SORCS1: variants seen among roughly 807,000 people sequenced by gnomAD.
The protein encoded by SORCS1 is sortilin related VPS10 domain containing receptor 1, also known as VPS10 domain-containing receptor SorCS1.
Under a neutral mutation model 146.1 loss-of-function variants are expected in SORCS1, and 60 were observed. That is an observed-to-expected ratio of 0.41 (90% CI 0.33 to 0.51). The LOEUF (loss-of-function observed/expected upper bound fraction) is 0.51, where lower values mean the gene tolerates loss of function less well. Among genes scored for constraint, SORCS1 ranks in the 20% least tolerant of loss-of-function variants. The probability of loss-of-function intolerance (pLI) is 0.21; values close to 1 mark genes in which losing one functional copy is unlikely to be tolerated. For synonymous variants in SORCS1, 637 were observed against 584.0 expected, an observed-to-expected ratio of 1.09 and a Z score of -1.31; for missense variants, 1,352 against 1,487.6, an observed-to-expected ratio of 0.91 and a Z score of 1.50.
chr10:106,760,655 G>A (rs1859023904), intron 5 of SORCS1, among the ~76,000 whole-genome samples: 1 of 151,572 alleles, frequency 6.6e-6, no homozygotes. Context: ...ATGGTATTCT[G>A]TTACGGCAAC....
At chr10:106,686,529 C>G (rs1299411187) in intron 10 of SORCS1, among the ~76,000 whole-genome samples, 1 of 152,140 alleles carries the variant, frequency 6.6e-6, no homozygotes. Context: ...CTTGCTATAG[C>G]TGAACTAGGA....
chr10:106,642,394 T>G (rs1849130636), intron 18 of SORCS1, among the ~76,000 whole-genome samples: 1 of 152,214 alleles, frequency 6.6e-6, no homozygotes, highest in African/African-American at 2.4e-5. Context: ...GACTTGCTCT[T>G]TACAGGCATC....
At chr10:106,604,321 T>A (rs570206016) in intron 23 of SORCS1, among the ~76,000 whole-genome samples, 2 of 152,312 alleles carry the variant, frequency 1.3e-5, no homozygotes, top group African/African-American at 4.8e-5. Flanking sequence ...GAGCAGAGAA[T>A]GAAAGGACCC....
At chr10:107,033,202 A>G (rs1457450139) in intron 1 of SORCS1, among the ~76,000 whole-genome samples, 1 of 152,168 alleles carries the variant, frequency 6.6e-6, no homozygotes. Flanking sequence ...GGGAAGTGCC[A>G]CACACTTTTA....
rs1388922540 is a variant in SORCS1, at chr10:107,164,147, C to A, written c.380G>T (p.Ser127Ile). ...TCCATCTCTTAGCACTCCCCGGGGG[C>A]TCCGACTCGCGCCCTCTCCCCGTTC... is the stretch of plus-strand genomic sequence containing the variant. ...KAERGEGASR[S>I]PRGVLRDGGQ... is the part of the protein sequence containing the mutation. Residue 127 changes from serine to isoleucine, a missense_variant, in exon 1 of 26, where the codon AGC becomes ATC. Coordinates refer to ENST00000263054, the MANE Select transcript of SORCS1 (RefSeq NM_052918.5). This position sits in a 1 kb window ranked among gnomAD's most constrained non-coding sequence, Gnocchi z 6.8. 5 of 1,613,036 alleles carry A rather than the reference C, an allele frequency of 3.1e-6. No individual in the cohort carries two copies. In the African/African-American group the frequency reaches 6.7e-5, roughly 22 times the overall value.
intron 1 of SORCS1, among the ~76,000 whole-genome samples, chr10:107,065,890 C>T (rs1427388213): frequency 2.0e-5 from 3 of 152,112 alleles, no homozygotes; most frequent in Non-Finnish European, 4.4e-5. Flanking sequence ...TATAATTTCT[C>T]TCATTTTAAA....
intron 1 of SORCS1, among the ~76,000 whole-genome samples, chr10:107,142,266 A>C (rs1967907953): frequency 6.6e-6 from 1 of 152,154 alleles, no homozygotes; most frequent in Non-Finnish European, 1.5e-5. Flanking sequence ...CAGAGTTCCT[A>C]CTAGTGACTG....
At chr10:106,900,247 C>G (rs996436576) in intron 2 of SORCS1, among the ~76,000 whole-genome samples, 4 of 152,138 alleles carry the variant, frequency 2.6e-5, no homozygotes, top group Non-Finnish European at 5.9e-5. Context: ...TACTTGAGTT[C>G]AGAGCCCATG....
chr10:106,741,564 A>G (rs1401024369), intron 5 of SORCS1, among the ~76,000 whole-genome samples: 1 of 152,068 alleles, frequency 6.6e-6, no homozygotes, highest in African/African-American at 2.4e-5. Context: ...CGTCACTGCA[A>G]TCCGGCCTGG....
Position 106,611,767 on chromosome 10 carries a change from A to T in SORCS1, c.3033+144T>A, listed in dbSNP as rs377396176. On this transcript the variant is annotated intron_variant, in intron 22 of 25. Coordinates refer to ENST00000263054, the MANE Select transcript of SORCS1 (RefSeq NM_052918.5). ...ATGTGTGGGGCTCAGCTTTGCAGAC[A>T]TCAGGCCAGAACTTCCCATGGGCTC... 19 of 655,686 alleles carry T rather than the reference A, an allele frequency of 2.9e-5. No homozygotes were observed. The East Asian group carries it at 3.6e-4, about 12-fold the overall frequency. 40.6% of individuals were successfully genotyped at this position (655,686 alleles called of 1,614,324 possible).
chr10:106,963,161 G>T (rs1405845372), intron 1 of SORCS1, among the ~76,000 whole-genome samples: 2 of 117,776 alleles, frequency 1.7e-5, no homozygotes, highest in Admixed American at 1.2e-4. Context: ...TGTCGCCCAG[G>T]CTGGAGTGCA....
chr10:106,633,368 G>C (rs1848547734), intron 18 of SORCS1, among the ~76,000 whole-genome samples: 1 of 151,792 alleles, frequency 6.6e-6, no homozygotes, highest in South Asian at 2.1e-4. Context: ...ATAAATTATT[G>C]TTAACGAAAG....
intron 5 of SORCS1, among the ~76,000 whole-genome samples, chr10:106,737,280 A>C (rs1310038975): frequency 6.6e-6 from 1 of 152,130 alleles, no homozygotes; most frequent in East Asian, 1.9e-4. Flanking sequence ...AGCCAAGAAG[A>C]AGCTTTCTGC....
intron 19 of SORCS1, among the ~76,000 whole-genome samples, chr10:106,623,243 CT>C (rs200567639): frequency 0.13 from 17,773 of 135,550 alleles, 905 homozygotes; most frequent in East Asian, 0.29. Flanking sequence ...CATATGTGAG[CT>C]TTTTTTTTTT....
intron 1 of SORCS1, among the ~76,000 whole-genome samples, chr10:107,131,348 A>G (rs1008145633): frequency 6.6e-5 from 10 of 152,170 alleles, no homozygotes; most frequent in African/African-American, 2.2e-4. Flanking sequence ...TCTATCAACT[A>G]TAGAGCCTCC....
intron 2 of SORCS1, among the ~76,000 whole-genome samples, chr10:106,874,952 A>AT (rs1730627393): frequency 6.6e-6 from 1 of 152,194 alleles, no homozygotes. Context: ...CTTTGTTTTT[A>AT]TTTTTTAATG....
chr10:107,037,309 G>A (rs1247011417), intron 1 of SORCS1, among the ~76,000 whole-genome samples: 2 of 152,170 alleles, frequency 1.3e-5, no homozygotes, highest in African/African-American at 4.8e-5. Flanking sequence ...CTCAGTGATG[G>A]TGAGATGCTT....
intron 21 of SORCS1, among the ~76,000 whole-genome samples, chr10:106,613,821 C>G (rs756106750): frequency 6.6e-6 from 1 of 152,078 alleles, no homozygotes; most frequent in Non-Finnish European, 1.5e-5. Flanking sequence ...TTCCTGCCCT[C>G]TCTGTGCTCC....
chr10:106,586,848 C>A (rs1234426098), intron 24 of SORCS1, among the ~76,000 whole-genome samples: 1 of 152,080 alleles, frequency 6.6e-6, no homozygotes. Flanking sequence ...CCTAGCTACT[C>A]GAGAGGCTGA....
Sources: allele counts gnomAD v4.1 joint callset (sites outside exome capture counted in the v4.1 genomes callset), GRCh38; gene constraint gnomAD v4.1.1; non-coding constraint Gnocchi (gnomAD v3.1); transcripts MANE v1.5; gene names NCBI Gene and HGNC (gene_info 2026-07-23, HGNC 2026-07-21).